Variants in ALK observed in about 807,000 individuals in gnomAD.
The protein encoded by ALK is ALK tyrosine kinase receptor.
A neutral mutation model predicts 163.1 loss-of-function variants in ALK; 74 were observed. That is an observed-to-expected ratio of 0.45 (90% CI 0.38 to 0.55). ALK has a LOEUF of 0.55. Among genes scored for constraint, ALK ranks in the 20% least tolerant of loss-of-function variants. The pLI is 0.00. For synonymous variants in ALK, 960 were observed against 843.2 expected, an observed-to-expected ratio of 1.14 and a Z score of -2.40; for missense variants, 2,063 against 2,105.3, an observed-to-expected ratio of 0.98 and a Z score of 0.39.
intron 11 of ALK, among the ~76,000 whole-genome samples, chr2:29,259,207 A>G (rs1212272500): frequency 6.6e-6 from 1 of 152,186 alleles, no homozygotes; most frequent in African/African-American, 2.4e-5. Context: ...ACACAGTATT[A>G]GAGTCACAAT....
intron 4 of ALK, among the ~76,000 whole-genome samples, chr2:29,497,314 G>T (rs1672055304): frequency 6.6e-6 from 1 of 151,792 alleles, no homozygotes; most frequent in Non-Finnish European, 1.5e-5. Flanking sequence ...GTCATCACAG[G>T]CTCTGCCACC....
chr2:29,661,567 T>C (rs1176272671), intron 3 of ALK, among the ~76,000 whole-genome samples: 6 of 152,228 alleles, frequency 3.9e-5, no homozygotes, highest in African/African-American at 1.4e-4. Context: ...CAGGTGATGT[T>C]CTAAGACCTG....
chr2:29,710,937 T>C (rs1338207542), intron 2 of ALK, among the ~76,000 whole-genome samples: 1 of 152,212 alleles, frequency 6.6e-6, no homozygotes, highest in African/African-American at 2.4e-5. Flanking sequence ...TGTAACTTGA[T>C]TACGGTGGAT....
intron 3 of ALK, among the ~76,000 whole-genome samples, chr2:29,535,364 C>G (rs1045195628): frequency 7.9e-5 from 12 of 152,284 alleles, no homozygotes; most frequent in African/African-American, 2.9e-4. Flanking sequence ...ATGTGCTGCT[C>G]TCATCTCAAC....
At chr2:29,235,328 A>C (rs543760047) in intron 13 of ALK, among the ~76,000 whole-genome samples, 1 of 152,332 alleles carries the variant, frequency 6.6e-6, no homozygotes, top group East Asian at 1.9e-4. Context: ...ATTCTTCTTG[A>C]GCCACTTCTT....
chr2:29,697,428 A>G (rs1453136237), intron 2 of ALK, among the ~76,000 whole-genome samples: 2 of 152,146 alleles, frequency 1.3e-5, no homozygotes, highest in African/African-American at 4.8e-5. Flanking sequence ...TTTCTGTCCA[A>G]TGATTCCACG....
chr2:29,539,574 T>G (rs77706036), intron 3 of ALK, among the ~76,000 whole-genome samples: 1,963 of 152,244 alleles, frequency 0.013, 17 homozygotes, highest in African/African-American at 0.02. Context: ...TTTAAGGTAA[T>G]TCATTGAAAG....
chr2:29,217,523 C>G (rs552876370), intron 23 of ALK, among the ~76,000 whole-genome samples: 1 of 152,090 alleles, frequency 6.6e-6, no homozygotes, highest in Non-Finnish European at 1.5e-5. Context: ...GTTTCCACAA[C>G]AGGCACGGCT....
chr2:29,788,028 A>G (rs6709517), intron 1 of ALK, among the ~76,000 whole-genome samples: 9,633 of 152,206 alleles, frequency 0.063, 754 homozygotes, highest in African/African-American at 0.18. Context: ...GGATTTGTAT[A>G]AAGGCAAAAA....
chr2:29,468,833 A>T (rs952529376), intron 4 of ALK, among the ~76,000 whole-genome samples: 5 of 126,664 alleles, frequency 3.9e-5, no homozygotes, highest in African/African-American at 1.5e-4. Flanking sequence ...TAGCCTGGGC[A>T]GTAGAGTGAG....
chr2:29,442,062 T>C (rs535149600), intron 4 of ALK, among the ~76,000 whole-genome samples: 2 of 152,292 alleles, frequency 1.3e-5, no homozygotes, highest in Non-Finnish European at 2.9e-5. Context: ...AGCAGGCTCA[T>C]AGGTGCACCG....
intron 26 of ALK, among the ~76,000 whole-genome samples, 185 bp downstream of exon 26, chr2:29,206,986 T>G (rs2148151555): frequency 6.6e-6 from 1 of 152,334 alleles, no homozygotes; most frequent in South Asian, 2.1e-4. Context: ...TAATCTGAAT[T>G]TTAACAAGTC....
At chr2:29,383,543 T>C (rs1300677016) in intron 5 of ALK, among the ~76,000 whole-genome samples, 189 bp downstream of exon 5, 2 of 152,154 alleles carry the variant, frequency 1.3e-5, no homozygotes, top group Non-Finnish European at 2.9e-5. Context: ...TCTTGAACTC[T>C]TGACCTCAAG....
intron 4 of ALK, among the ~76,000 whole-genome samples, chr2:29,467,660 G>T (rs1469547246): frequency 6.6e-6 from 1 of 152,126 alleles, no homozygotes; most frequent in Non-Finnish European, 1.5e-5. Context: ...GGGGCCCTGA[G>T]ATCTTTTCAG....
chr2:29,726,234 G>A (rs1358091085), intron 1 of ALK, among the ~76,000 whole-genome samples: 1 of 152,072 alleles, frequency 6.6e-6, no homozygotes, highest in African/African-American at 2.4e-5. Flanking sequence ...CCATTTCTGT[G>A]GTTTGCTTGT....
intron 1 of ALK, among the ~76,000 whole-genome samples, chr2:29,872,166 G>C (rs572925473): frequency 1.8e-4 from 28 of 152,316 alleles, no homozygotes; most frequent in African/African-American, 6.5e-4. Context: ...ACAATGACAG[G>C]GAGTTGACTG....
At chr2:29,919,686 C>T (rs1382158691) in intron 1 of ALK, among the ~76,000 whole-genome samples, 1 of 152,136 alleles carries the variant, frequency 6.6e-6, no homozygotes, top group Non-Finnish European at 1.5e-5. Context: ...TCCCGGGGCC[C>T]AGGAAGAGGG....
chr2:29,633,328 A>G (rs17008361), intron 3 of ALK, among the ~76,000 whole-genome samples: 2,161 of 152,304 alleles, frequency 0.014, 44 homozygotes, highest in African/African-American at 0.04. Flanking sequence ...TACCCATGTC[A>G]GCTATTACAC....
intron 9 of ALK, among the ~76,000 whole-genome samples, chr2:29,277,290 G>A (rs571316280): frequency 6.2e-4 from 94 of 152,360 alleles, no homozygotes; most frequent in African/African-American, 2.1e-3. Flanking sequence ...AGCTCCCGTT[G>A]CGCCTGTGTG....
Sources: allele counts gnomAD v4.1 joint callset (sites outside exome capture counted in the v4.1 genomes callset), GRCh38; gene constraint gnomAD v4.1.1; transcripts MANE v1.5; gene names NCBI Gene and HGNC (gene_info 2026-07-23, HGNC 2026-07-21).